RPH3A: variants seen among roughly 807,000 people sequenced by gnomAD.
The protein encoded by RPH3A is rabphilin 3A, also known as rabphilin-3A.
In RPH3A, 48 loss-of-function variants were observed where a neutral mutation model predicts 102.2. That is an observed-to-expected ratio of 0.47 (90% CI 0.37 to 0.60). The LOEUF (loss-of-function observed/expected upper bound fraction) is 0.60, where lower values mean the gene tolerates loss of function less well. Among genes scored for constraint, RPH3A ranks in the 20% least tolerant of loss-of-function variants. The probability of loss-of-function intolerance (pLI) is 0.00; values close to 1 mark genes in which losing one functional copy is unlikely to be tolerated. For missense variants in RPH3A, 781 were observed against 910.1 expected, an observed-to-expected ratio of 0.86 and a Z score of 1.83; for synonymous variants, 310 against 324.3, an observed-to-expected ratio of 0.96 and a Z score of 0.47.
At chr12:112,888,287 G>A (rs1176623415) in intron 17 of RPH3A, among the ~76,000 whole-genome samples, 1 of 152,212 alleles carries the variant, frequency 6.6e-6, no homozygotes, top group African/African-American at 2.4e-5. Context: ...CTGTAATGTG[G>A]GTGTTATAAC....
rs759709849 is a variant in RPH3A, at chr12:112,890,900, C to T, written c.1672C>T (p.Leu558Phe). The T allele has an allele frequency of 6.2e-7, 1 of 1,614,036 alleles. No individual in the cohort carries two copies. The highest frequency in any genetic ancestry group is 1.1e-5 in the South Asian group (1 of 91,032). Residue 558 changes from leucine to phenylalanine, a missense_variant, in exon 19 of 22, where the codon CTC (leucine) becomes TTC (phenylalanine). Leu to Phe is a conservative substitution (Grantham distance 22, BLOSUM62 0). Coordinates refer to ENST00000389385, the MANE Select transcript of RPH3A (RefSeq NM_001143854.2). The part of the protein sequence containing the change: ...IEERGKILVS[L>F]MYSTQQGGLI... ...GGAGCGTGGCAAGATCCTGGTCTCC[C>T]TCATGTACAGCACACAGCAGGGAGG...
At chr12:112,767,568 A>G (rs924561180) in intron 1 of RPH3A, among the ~76,000 whole-genome samples, 6 of 152,184 alleles carry the variant, frequency 3.9e-5, no homozygotes, top group African/African-American at 1.4e-4. Flanking sequence ...ACTATTCAAT[A>G]AGGCAGTTAA....
chr12:112,775,030 G>A (rs2136074718), intron 1 of RPH3A, among the ~76,000 whole-genome samples: 1 of 151,466 alleles, frequency 6.6e-6, no homozygotes, highest in Middle Eastern at 3.4e-3. Context: ...TGGCATATGG[G>A]AACAACACAC....
chr12:112,772,334 G>T lies in RPH3A; in HGVS notation c.-139-19809G>T, dbSNP rs79860937. ...ACTATTTACATTTAGGGCAGCACTG[G>T]TCTCCAAGGCGAGGGGTTGTCCTGT... is the stretch of plus-strand genomic sequence containing the variant. On this transcript the variant is annotated intron_variant, in intron 1 of 21. Coordinates refer to the RPH3A transcript ENST00000543106. 3.3e-3 allele frequency among the ~76,000 whole-genome samples: 508 copies of T among 152,282 alleles called. 4 individuals are homozygous for T. Among genetic ancestry groups the T allele is most frequent in the Non-Finnish European group, 4.9e-3 (330 of 68,024 alleles).
At chr12:112,858,266 CAAAAAAAAAAAA>C (rs1164602599) in intron 5 of RPH3A, among the ~76,000 whole-genome samples, 7 of 44,770 alleles carry the variant, frequency 1.6e-4, no homozygotes, top group Admixed American at 4.2e-4. Context: ...GACCCTGTCT[CAAAAAAAAAAAA>C]AAAAAAAAAA....
At chr12:112,662,492 G>A (rs1194830304) in intron 1 of RPH3A, among the ~76,000 whole-genome samples, 1 of 152,226 alleles carries the variant, frequency 6.6e-6, no homozygotes, top group Non-Finnish European at 1.5e-5. Context: ...ATGAGAAGCA[G>A]TGCTGGCTTT....
intron 4 of RPH3A, among the ~76,000 whole-genome samples, chr12:112,846,392 C>T (rs1309586582): frequency 6.6e-6 from 1 of 152,178 alleles, no homozygotes; most frequent in Non-Finnish European, 1.5e-5. Flanking sequence ...ACCAGAATTT[C>T]CCCAGGCAGC....
chr12:112,652,108 C>G (rs1048333934), intron 1 of RPH3A, among the ~76,000 whole-genome samples: 32 of 152,090 alleles, frequency 2.1e-4, no homozygotes, highest in Admixed American at 2.1e-3. Flanking sequence ...CTTTTGAGTA[C>G]ATACCTAGGA....
chr12:112,785,647 C>T (rs2041043791), intron 1 of RPH3A, among the ~76,000 whole-genome samples: 1 of 152,116 alleles, frequency 6.6e-6, no homozygotes, highest in African/African-American at 2.4e-5. Context: ...TAATGTGATC[C>T]TAACAACAAC....
intron 1 of RPH3A, among the ~76,000 whole-genome samples, chr12:112,694,679 C>G (rs977729512): frequency 1.2e-4 from 17 of 143,820 alleles, no homozygotes; most frequent in African/African-American, 3.8e-4. Context: ...CACACACACA[C>G]ACACAGAGAG....
intron 2 of RPH3A, among the ~76,000 whole-genome samples, chr12:112,827,783 G>A (rs1244706192): frequency 5.9e-5 from 9 of 151,894 alleles, no homozygotes; most frequent in African/African-American, 2.2e-4. Context: ...AGCATTAGAA[G>A]GAATACCTAA....
chr12:112,617,688 A>T (rs1286031994), intron 1 of RPH3A: 1 of 152,104 alleles, frequency 6.6e-6, no homozygotes, highest in Non-Finnish European at 1.5e-5. Flanking sequence ...AGGAAGTGGC[A>T]CTTGAGTTGT....
intron 1 of RPH3A, among the ~76,000 whole-genome samples, chr12:112,768,861 A>C (rs189365706): frequency 5.3e-5 from 8 of 152,304 alleles, no homozygotes; most frequent in South Asian, 2.1e-4. Context: ...GCAGTGAGCC[A>C]TGATTGCTCC....
intron 15 of RPH3A, 29 bp from the exon 16 acceptor site, chr12:112,883,264 T>C (rs374769201): frequency 2.5e-6 from 4 of 1,572,494 alleles, no homozygotes; most frequent in African/African-American, 2.7e-5. Flanking sequence ...CTGAGGTAGG[T>C]GTCTCTGTCC....
chr12:112,594,237 C>A (rs1342247037), intron 1 of RPH3A, among the ~76,000 whole-genome samples: 1 of 152,136 alleles, frequency 6.6e-6, no homozygotes, highest in Admixed American at 6.5e-5. Flanking sequence ...ACAATTATTT[C>A]ATTCACAAAC....
intron 2 of RPH3A, among the ~76,000 whole-genome samples, chr12:112,797,192 C>T: frequency 6.6e-6 from 1 of 152,174 alleles, no homozygotes; most frequent in Non-Finnish European, 1.5e-5. Flanking sequence ...TTCCATCATT[C>T]AAGTTTCATT....
intron 1 of RPH3A, among the ~76,000 whole-genome samples, chr12:112,672,249 TG>T: frequency 6.6e-6 from 1 of 152,234 alleles, no homozygotes. Context: ...TCTTCTTCTT[TG>T]GGGGACCTCC....
At chr12:112,727,481 AC>A (rs2040601305) in intron 1 of RPH3A, among the ~76,000 whole-genome samples, 1 of 85,318 alleles carries the variant, frequency 1.2e-5, no homozygotes, top group African/African-American at 5.1e-5. Flanking sequence ...ACACACACAC[AC>A]ACACACACAG....
At chr12:112,874,991 C>A in intron 10 of RPH3A, 93 bp from the exon 11 acceptor site, 1 of 1,038,096 alleles carries the variant, frequency 9.6e-7, no homozygotes, top group South Asian at 1.6e-5. Context: ...GTCCAAGGGG[C>A]TCACCCCACA....
Sources: gnomAD v4.1 joint callset for allele counts (sites outside exome capture counted in the v4.1 genomes callset) on GRCh38, gnomAD v4.1.1 for gene constraint, MANE v1.5 for transcripts, NCBI Gene and HGNC (gene_info 2026-07-23, HGNC 2026-07-21) for gene names.